The following SYNPR variants were observed in gnomAD, a reference collection of about 807,000 sequenced individuals.
The protein encoded by SYNPR is synaptoporin.
In SYNPR, 23 loss-of-function variants were observed where a neutral mutation model predicts 32.9. The observed-to-expected ratio is 0.70, with a 90% CI of 0.50 to 0.99. The LOEUF is 0.99. SYNPR is among the 50% of genes least tolerant of loss of function. The pLI is 0.00. For synonymous variants in SYNPR, 146 were observed against 135.9 expected (o/e 1.07, Z -0.52); for missense variants, 318 against 349.3 (o/e 0.91, Z 0.71).
At chr3:63,433,338 T>C (rs377125667) in intron 2 of SYNPR, among the ~76,000 whole-genome samples, 3 of 152,272 alleles carry the variant, frequency 2.0e-5, no homozygotes, top group African/African-American at 7.2e-5. Flanking sequence ...ATTTAAAGAC[T>C]TGGGGATGGT....
chr3:63,520,672 C>CAA (rs5849560), intron 3 of SYNPR, among the ~76,000 whole-genome samples: 76,893 of 142,244 alleles, frequency 0.54, 20,716 homozygotes, highest in South Asian at 0.68. Context: ...GACTCCATCT[C>CAA]AAAAAAAAAA....
intron 2 of SYNPR, among the ~76,000 whole-genome samples, 168 bp from the exon 3 acceptor site, chr3:63,480,664 A>C (rs1701028874): frequency 6.6e-6 from 1 of 152,154 alleles, no homozygotes; most frequent in South Asian, 2.1e-4. Context: ...CCATGTCCCC[A>C]GTCCTCACTC....
chr3:63,380,459 T>C (rs2087951819), intron 2 of SYNPR, among the ~76,000 whole-genome samples: 1 of 152,218 alleles, frequency 6.6e-6, no homozygotes, highest in Non-Finnish European at 1.5e-5. Flanking sequence ...CATTTTTTCA[T>C]GTGTCTGTTG....
At chr3:63,513,651 C>A (rs1337365680) in intron 3 of SYNPR, among the ~76,000 whole-genome samples, 18 of 151,948 alleles carry the variant, frequency 1.2e-4, no homozygotes, top group Non-Finnish European at 2.9e-5. Flanking sequence ...GAGAATAGAG[C>A]CAAAACTGGT....
At chr3:63,206,755 G>A in the SYNPR span, among the ~76,000 whole-genome samples, 1 of 152,258 alleles carries the variant, frequency 6.6e-6, no homozygotes, top group South Asian at 2.1e-4. Flanking sequence ...CTCTCCTTGT[G>A]TGGACAGCAT....
chr3:63,259,266 C>CA (rs1027459953), intron 2 of SYNPR, among the ~76,000 whole-genome samples: 18 of 151,570 alleles, frequency 1.2e-4, no homozygotes, highest in African/African-American at 3.2e-4. Flanking sequence ...AGAGACTCAA[C>CA]AAAAAAAAGA....
intron 1 of SYNPR, among the ~76,000 whole-genome samples, chr3:63,236,209 T>C (rs2086199259): frequency 6.6e-6 from 1 of 152,076 alleles, no homozygotes; most frequent in African/African-American, 2.4e-5. Context: ...AGATCTGGGT[T>C]CTCTATTCTT....
In SYNPR at chr3:63,595,951, T is replaced by TA. The variant is rs1559546753; in HGVS notation, c.409-13174_409-13173insA. Among the ~76,000 whole-genome samples, 71 of 116,858 alleles carry TA rather than the reference T, an allele frequency of 6.1e-4. 1 individual carries two copies. The highest frequency in any genetic ancestry group is 8.3e-4 in the Non-Finnish European group (49 of 59,362). 76.7% of individuals were successfully genotyped at this position (116,858 alleles called of 152,430 possible). ...TATATATAGTTTTATATATATAGTT[T>TA]TATATATATAGTTTTATATATAGTT... On this transcript the variant is annotated intron_variant, in intron 4 of 5. Transcript: ENST00000478300.
At chr3:63,349,359 C>A (rs1483575987) in intron 2 of SYNPR, among the ~76,000 whole-genome samples, 1 of 152,204 alleles carries the variant, frequency 6.6e-6, no homozygotes, top group Non-Finnish European at 1.5e-5. Flanking sequence ...CTCGGCCTCC[C>A]AAAGTCCTGG....
intron 4 of SYNPR, among the ~76,000 whole-genome samples, chr3:63,571,517 C>T (rs1702886085): frequency 6.6e-6 from 1 of 152,050 alleles, no homozygotes; most frequent in Non-Finnish European, 1.5e-5. Context: ...TAGAGATTTA[C>T]TCTTGAATAA....
intron 2 of SYNPR, among the ~76,000 whole-genome samples, chr3:63,465,708 A>C (rs955249903): frequency 6.6e-6 from 1 of 152,146 alleles, no homozygotes; most frequent in African/African-American, 2.4e-5. Context: ...ACAAATTGCT[A>C]TGTATCTCTC....
At chr3:63,516,692 C>T (rs188016490) in intron 3 of SYNPR, among the ~76,000 whole-genome samples, 36 of 152,206 alleles carry the variant, frequency 2.4e-4, no homozygotes, top group African/African-American at 8.7e-4. Flanking sequence ...GTCTTTCTTT[C>T]CCTCTAATAC....
intron 2 of SYNPR, among the ~76,000 whole-genome samples, chr3:63,324,665 AAG>A (rs2087145974): frequency 6.6e-6 from 1 of 152,116 alleles, no homozygotes; most frequent in South Asian, 2.1e-4. Flanking sequence ...TATAAATTAC[AAG>A]AGTCCTCTTT....
chr3:63,379,720 G>A (rs1176103502), intron 2 of SYNPR, among the ~76,000 whole-genome samples: 1 of 151,260 alleles, frequency 6.6e-6, no homozygotes, highest in Admixed American at 6.6e-5. Flanking sequence ...TAAGTTTTAG[G>A]GTACATGTGC....
In SYNPR at chr3:63,294,302, C is replaced by T. The variant is rs559296507; in HGVS notation, c.84+15560C>T. On this transcript the variant is annotated intron_variant, in intron 2 of 5. Coordinates refer to ENST00000478300, the MANE Select transcript of SYNPR (RefSeq NM_001130003.2). Reference sequence around the variant, plus strand: ...GGTATTTAGAAGAATTACCAAATTACCCTCCAATGAGGTGTTATCAGTTGG... The same window carrying T: ...GGTATTTAGAAGAATTACCAAATTATCCTCCAATGAGGTGTTATCAGTTGG... 3.9e-5 allele frequency among the ~76,000 whole-genome samples: 6 copies of T among 152,240 alleles called. No homozygotes were observed. The East Asian group carries it at 1.2e-3, about 29-fold the overall frequency.
chr3:63,238,241 G>A (rs1012917200), intron 1 of SYNPR, among the ~76,000 whole-genome samples: 2 of 151,986 alleles, frequency 1.3e-5, no homozygotes, highest in African/African-American at 4.8e-5. Context: ...TTATAGTTGT[G>A]CACAGTTGGA....
intron 2 of SYNPR, among the ~76,000 whole-genome samples, chr3:63,394,637 A>T (rs1054635329): frequency 6.6e-6 from 1 of 152,148 alleles, no homozygotes; most frequent in Non-Finnish European, 1.5e-5. Flanking sequence ...CAAAGAAAAA[A>T]TGCTCCCCAG....
At chr3:63,388,678 C>T (rs2088090573) in intron 2 of SYNPR, among the ~76,000 whole-genome samples, 1 of 151,350 alleles carries the variant, frequency 6.6e-6, no homozygotes, top group African/African-American at 2.4e-5. Context: ...CCTCAGCCTC[C>T]CAAAGTTGCT....
chr3:63,208,046 A>AAC, the SYNPR span, among the ~76,000 whole-genome samples: 2,274 of 150,188 alleles, frequency 0.015, 20 homozygotes, highest in Non-Finnish European at 0.02. Context: ...CACACACACA[A>AAC]ACACACACAC....
Sources: allele counts gnomAD v4.1 joint callset (sites outside exome capture counted in the v4.1 genomes callset), GRCh38; gene constraint gnomAD v4.1.1; transcripts MANE v1.5; gene names NCBI Gene and HGNC (gene_info 2026-07-23, HGNC 2026-07-21).